The following MACROD1 variants were observed in gnomAD, a reference collection of about 807,000 sequenced individuals.
MACROD1 encodes the protein mono-ADP ribosylhydrolase 1.
In MACROD1, 31 loss-of-function variants were observed where a neutral mutation model predicts 41.4. The observed-to-expected ratio is 0.75, with a 90% CI of 0.56 to 1.01. The LOEUF (loss-of-function observed/expected upper bound fraction) is 1.01. Ranked by LOEUF, MACROD1 falls within the 50% of genes least tolerant of loss-of-function variation. MACROD1 has a pLI of 0.00. For missense variants in MACROD1, 473 were observed against 460.0 expected (o/e 1.03, Z -0.26); for synonymous variants, 252 against 203.4 (o/e 1.24, Z -2.03).
At chr11:64,049,330 A>G (rs1943646359) in intron 3 of MACROD1, among the ~76,000 whole-genome samples, 1 of 152,206 alleles carries the variant, frequency 6.6e-6, no homozygotes, top group Admixed American at 6.5e-5. Context: ...ACAGGGTCCT[A>G]CCGATGCCCA....
chr11:64,024,390 A>G (rs550701088), intron 3 of MACROD1, among the ~76,000 whole-genome samples: 6 of 152,210 alleles, frequency 3.9e-5, no homozygotes, highest in African/African-American at 1.4e-4. Flanking sequence ...TTCCCACTTT[A>G]CAGATGAGAA....
At chr11:64,079,054 C>T (rs547423966) in intron 3 of MACROD1, among the ~76,000 whole-genome samples, 1 of 137,796 alleles carries the variant, frequency 7.3e-6, no homozygotes, top group Admixed American at 7.8e-5. Context: ...AGCCGCTGTG[C>T]GGACAGACCG....
At chr11:64,045,776 A>T (rs1943573609) in intron 3 of MACROD1, among the ~76,000 whole-genome samples, 2 of 152,200 alleles carry the variant, frequency 1.3e-5, no homozygotes, top group Non-Finnish European at 2.9e-5. Context: ...GATGAGAAGG[A>T]ATTCAGAACT....
rs147721462 is a variant in MACROD1, at chr11:64,130,961, C to T, written c.517+20278G>A. 3.1e-4 allele frequency among the ~76,000 whole-genome samples: 47 copies of T among 152,382 alleles called. No homozygotes were observed. In the East Asian group the frequency reaches 8.3e-3, roughly 27 times the overall value. On this transcript the variant is annotated intron_variant, in intron 3 of 10. Coordinates refer to ENST00000255681, the MANE Select transcript of MACROD1 (RefSeq NM_014067.4). ...GCCTCAAGAAGAGAACTGGCCGGCCCGGCGAGGAAGCACTGCATCGGAGAT... is the reference window on the plus strand; with the variant it reads ...GCCTCAAGAAGAGAACTGGCCGGCCTGGCGAGGAAGCACTGCATCGGAGAT...
chr11:64,061,270 G>A (rs981513992), intron 3 of MACROD1, among the ~76,000 whole-genome samples: 20 of 152,322 alleles, frequency 1.3e-4, no homozygotes, highest in Middle Eastern at 3.4e-3. Context: ...CTGGCTGTCA[G>A]GGCAGATGGA....
At chr11:64,093,038 C>T (rs577023893) in intron 3 of MACROD1, among the ~76,000 whole-genome samples, 2 of 152,126 alleles carry the variant, frequency 1.3e-5, no homozygotes, top group Non-Finnish European at 2.9e-5. Context: ...CTTGAGGACC[C>T]GGAGTGGAGA....
At position 63,998,985 on chromosome 11, in the gene MACROD1, G is replaced by C. The variant is rs369497656; in HGVS notation, c.943C>G (p.Arg315Gly). Residue 315 changes from arginine to glycine, a missense_variant, in exon 9 of 11, where the codon CGG becomes GGG. Physicochemically the swap from Arg to Gly is moderately radical, Grantham distance 125. Transcript: ENST00000255681. ...GGGAAGTAGTGGGGGAGCCGGCTCC[G>C]GTAGATGTCCTCGTCCTTCTCGAGG... is the stretch of plus-strand genomic sequence containing the variant. ...VFLEKDEDIY[R>G]SRLPHYFPVA 5.6e-6 allele frequency: 9 copies of C among 1,607,944 alleles called. 1 individual carries two copies. The Admixed American group carries it at 6.7e-5, about 12-fold the overall frequency.
intron 3 of MACROD1, among the ~76,000 whole-genome samples, chr11:64,127,583 G>A (rs1417194096): frequency 1.3e-5 from 2 of 152,220 alleles, no homozygotes; most frequent in African/African-American, 2.4e-5. Flanking sequence ...CAGGAAGAAG[G>A]GCCCTCTGTC....
Position 64,082,359 on chromosome 11 carries a change from G to C in MACROD1, c.518-67078C>G, listed in dbSNP as rs1357832638. Among the ~76,000 whole-genome samples the C allele has an allele frequency of 6.6e-6, 1 of 152,058 alleles. No homozygotes were observed. Among genetic ancestry groups the C allele is most frequent in the Non-Finnish European group, 1.5e-5 (1 of 67,986 alleles). On this transcript the variant is annotated intron_variant, in intron 3 of 10. Coordinates refer to ENST00000255681, the MANE Select transcript of MACROD1 (RefSeq NM_014067.4). The surrounding 1 kb of genome is among the most constrained non-coding windows in gnomAD (Gnocchi z 4.5). ...GGGGACCGTGGAAGGCAGGACGGGGGCCAGGAGCATGGCTGGAGTGATTGA... is the reference window on the plus strand; with the variant it reads ...GGGGACCGTGGAAGGCAGGACGGGGCCCAGGAGCATGGCTGGAGTGATTGA...
intron 3 of MACROD1, among the ~76,000 whole-genome samples, chr11:64,097,759 G>A (rs906266484): frequency 2.0e-5 from 3 of 152,134 alleles, no homozygotes; most frequent in Non-Finnish European, 4.4e-5. Context: ...GCAGGGAATG[G>A]GGTGGGCCCA....
At chr11:64,152,736 C>T (rs1051248703) in intron 1 of MACROD1, among the ~76,000 whole-genome samples, 4 of 152,206 alleles carry the variant, frequency 2.6e-5, no homozygotes, top group Non-Finnish European at 4.4e-5. Context: ...GGGGTGAAGA[C>T]GTCCCCTGCA....
chr11:64,112,502 G>A (rs1458604972), intron 3 of MACROD1, among the ~76,000 whole-genome samples: 1 of 152,182 alleles, frequency 6.6e-6, no homozygotes, highest in Non-Finnish European at 1.5e-5. Flanking sequence ...GACAGGGCAA[G>A]ACTCCATCTC....
chr11:64,062,614 G>A (rs1408746708), intron 3 of MACROD1, among the ~76,000 whole-genome samples: 1 of 148,498 alleles, frequency 6.7e-6, no homozygotes, highest in Non-Finnish European at 1.5e-5. Flanking sequence ...GGGCGCTGGG[G>A]ATGGAGCAGC....
chr11:64,005,040 T>TTATTTATTTATTTATTTATTTATG (rs1942888019), intron 4 of MACROD1, among the ~76,000 whole-genome samples: 1 of 151,754 alleles, frequency 6.6e-6, no homozygotes, highest in Admixed American at 6.6e-5. Context: ...ATTTATTTAT[T>TTATTTATTTATTTATTTATTTATG]TATTTATTGA....
At chr11:64,023,574 G>A (rs972635333) in intron 3 of MACROD1, among the ~76,000 whole-genome samples, 2 of 152,112 alleles carry the variant, frequency 1.3e-5, no homozygotes, top group African/African-American at 4.8e-5. Context: ...CTGCTCCAGG[G>A]CTAAGCCCCT....
intron 3 of MACROD1, among the ~76,000 whole-genome samples, chr11:64,144,193 C>T (rs1019134099): frequency 6.6e-6 from 1 of 152,054 alleles, no homozygotes; most frequent in Non-Finnish European, 1.5e-5. Context: ...CCACAGAATG[C>T]TCTTGCCCCG....
In MACROD1 at chr11:64,049,963, G is replaced by A. The variant is rs182688437; in HGVS notation, c.518-34682C>T. On this transcript the variant is annotated intron_variant, in intron 3 of 10. Coordinates refer to ENST00000255681, the MANE Select transcript of MACROD1 (RefSeq NM_014067.4). ...TCTCTCAGAGCCCTCTTGGCCTAGCGATCGCACAGAGCCAGCCCAGGCCTG... is the reference window on the plus strand; with the variant it reads ...TCTCTCAGAGCCCTCTTGGCCTAGCAATCGCACAGAGCCAGCCCAGGCCTG... Among the ~76,000 whole-genome samples the A allele has an allele frequency of 1.1e-4, 16 of 152,320 alleles. No individual in the cohort carries two copies. In the East Asian group the frequency reaches 2.9e-3, roughly 28 times the overall value.
chr11:64,060,905 T>C (rs1943888465), intron 3 of MACROD1, among the ~76,000 whole-genome samples: 1 of 151,930 alleles, frequency 6.6e-6, no homozygotes, highest in Non-Finnish European at 1.5e-5. Context: ...CGAGGCTCTT[T>C]GCATATTCAT....
chr11:64,062,612 G>A (rs1442380265), intron 3 of MACROD1, among the ~76,000 whole-genome samples: 1 of 148,830 alleles, frequency 6.7e-6, no homozygotes, highest in Non-Finnish European at 1.5e-5. Flanking sequence ...CTGGGCGCTG[G>A]GGATGGAGCA....
Sources: gnomAD v4.1 joint callset for allele counts (sites outside exome capture counted in the v4.1 genomes callset) on GRCh38, gnomAD v4.1.1 for gene constraint, Gnocchi (gnomAD v3.1) non-coding constraint, MANE v1.5 for transcripts, NCBI Gene and HGNC (gene_info 2026-07-23, HGNC 2026-07-21) for gene names.